RABGGTB: variants seen among roughly 807,000 people sequenced by gnomAD.
The protein encoded by RABGGTB is geranylgeranyl transferase type-2 subunit beta.
In RABGGTB, 20 loss-of-function variants were observed where a neutral mutation model predicts 44.5. That is an observed-to-expected ratio of 0.45 (90% CI 0.32 to 0.65). RABGGTB has a LOEUF of 0.65. Ranked by LOEUF, RABGGTB falls within the 30% of genes least tolerant of loss-of-function variation. RABGGTB has a pLI of 0.05. For synonymous variants in RABGGTB, 128 were observed against 136.7 expected (o/e 0.94, Z 0.44); for missense variants, 302 against 398.7 (o/e 0.76, Z 2.06).
chr1:75,790,600 G>C, intron 4 of RABGGTB: 2 of 592,056 alleles, frequency 3.4e-6, no homozygotes, highest in Non-Finnish European at 4.3e-6. Context: ...CTCTTTCTGG[G>C]CTTTCTTTAA....
chr1:75,787,228 G>A (rs752239710), intron 1 of RABGGTB: 19 of 635,222 alleles, frequency 3.0e-5, no homozygotes, highest in Admixed American at 4.4e-5. Flanking sequence ...TGTTGTTGTT[G>A]TTGTTGTTTT....
At chr1:75,786,211 A>G (rs1292903680), upstream of RABGGTB, 1 of 1,608,594 alleles carries the variant, frequency 6.2e-7, no homozygotes, top group African/African-American at 1.3e-5. Flanking sequence ...GCATCTGCGC[A>G]GGCGCCCGGC....
At chr1:75,792,486 G>A (rs1649669553) in intron 7 of RABGGTB, among the ~76,000 whole-genome samples, 180 bp downstream of exon 7, 2 of 152,130 alleles carry the variant, frequency 1.3e-5, no homozygotes, top group South Asian at 4.1e-4. Context: ...ACCCCCATGA[G>A]TTGAAATACT....
upstream of RABGGTB, chr1:75,786,253 T>A (rs760732932): frequency 3.1e-6 from 5 of 1,614,186 alleles, no homozygotes; most frequent in Non-Finnish European, 3.4e-6. Context: ...GACCCTGCTC[T>A]CTCCTTTCCC....
chr1:75,786,221 C>T (rs769075514), upstream of RABGGTB: 29 of 1,612,868 alleles, frequency 1.8e-5, no homozygotes, highest in Non-Finnish European at 2.4e-5. Context: ...AGGCGCCCGG[C>T]TCCTAAGTCT....
At chr1:75,793,965 A>G (rs1649709059) in intron 7 of RABGGTB, 119 bp from the exon 8 acceptor site, 5 of 1,066,464 alleles carry the variant, frequency 4.7e-6, no homozygotes, top group East Asian at 2.4e-5. Flanking sequence ...GTCCTTCCAC[A>G]TGGTTTGACA....
chr1:75,790,498 A>T lies in RABGGTB; in HGVS notation c.415+441A>T, dbSNP rs1475808576. On this transcript the variant is annotated intron_variant, in intron 4 of 8. Coordinates refer to ENST00000319942, the MANE Select transcript of RABGGTB (RefSeq NM_004582.4). ...CCAGCTGCTTCATGGGATGTGAAAAATCTACTTTTATAAAGTAGGGTAAGT... is the reference window on the plus strand; with the variant it reads ...CCAGCTGCTTCATGGGATGTGAAAATTCTACTTTTATAAAGTAGGGTAAGT... 4 of 1,018,414 alleles carry T rather than the reference A, an allele frequency of 3.9e-6. No homozygotes were observed. In the African/African-American group the frequency reaches 6.8e-5, roughly 17 times the overall value. 63.1% of individuals were successfully genotyped at this position (1,018,414 alleles called of 1,614,324 possible). A position where few individuals can be genotyped will look rare whatever the true frequency, so the allele number is the denominator to read the frequency against.
Position 75,792,276 on chromosome 1 carries a change from C to T in RABGGTB, c.675C>T (p.Pro225=), listed in dbSNP as rs1649664463. 6.2e-7 allele frequency: 1 copy of T among 1,614,006 alleles called. No homozygotes were observed. The highest frequency in any genetic ancestry group is 1.1e-5 in the South Asian group (1 of 91,074). ...GGTGGCTTTGTGAACGACAATTACC[C>T]TCAGGCGGGCTCAATGGAAGGCCGG... ...LGWWLCERQL[P]SGGLNGRPEK... The change falls in exon 7 of 9, where the codon CCC becomes CCT. Residue 225 remains proline, a synonymous_variant. Transcript: ENST00000319942.
Position 75,791,519 on chromosome 1 carries a change from A to G in RABGGTB, c.527A>G (p.Asn176Ser). The change falls in exon 6 of 9, where the codon AAC becomes AGC. Residue 176 changes from asparagine to serine, a missense_variant. Physicochemically the swap from Asn to Ser is conservative, Grantham distance 46 (BLOSUM62 1). Coordinates refer to ENST00000319942, the MANE Select transcript of RABGGTB (RefSeq NM_004582.4). Reference protein sequence around the residue: ...KAIEFVLSCMNFDGGFGCRPG... With the variant: ...KAIEFVLSCMSFDGGFGCRPG... ...ATCGAATTTGTTTTATCCTGTATGAACTTTGACGGTGGATTTGGTTGCAGA... is the reference window on the plus strand; with the variant it reads ...ATCGAATTTGTTTTATCCTGTATGAGCTTTGACGGTGGATTTGGTTGCAGA... 1.9e-6 allele frequency: 3 copies of G among 1,613,314 alleles called. No individual in the cohort carries two copies. Among genetic ancestry groups the G allele is most frequent in the Non-Finnish European group, 2.5e-6 (3 of 1,179,990 alleles).
At chr1:75,792,902 C>G (rs1474492117) in intron 7 of RABGGTB, among the ~76,000 whole-genome samples, 1 of 152,148 alleles carries the variant, frequency 6.6e-6, no homozygotes, top group Non-Finnish European at 1.5e-5. Flanking sequence ...CATCTTGATT[C>G]ACTGCAACCT....
At chr1:75,791,597 G>A (rs779860208) in intron 6 of RABGGTB, 26 bp downstream of exon 6, 2 of 1,553,614 alleles carry the variant, frequency 1.3e-6, no homozygotes, top group Admixed American at 1.9e-5. Flanking sequence ...AGATGAAAAT[G>A]TATTGTCATT....
upstream of RABGGTB, chr1:75,786,223 C>T (rs1013402462): frequency 6.2e-7 from 1 of 1,613,300 alleles, no homozygotes. Flanking sequence ...GCGCCCGGCT[C>T]CTAAGTCTAC....
chr1:75,790,306 G>A, intron 4 of RABGGTB: 1 of 1,231,702 alleles, frequency 8.1e-7, no homozygotes, highest in Non-Finnish European at 1.0e-6. Flanking sequence ...AATATTTGGT[G>A]GCTTTGTAAA....
At chr1:75,791,166 C>A in intron 4 of RABGGTB, 119 bp from the exon 5 acceptor site, 1 of 886,666 alleles carries the variant, frequency 1.1e-6, no homozygotes, top group East Asian at 2.4e-5. Flanking sequence ...TCCTGACTAC[C>A]CTAAAGTGAA....
chr1:75,791,775 C>G, intron 6 of RABGGTB: 2 of 525,786 alleles, frequency 3.8e-6, no homozygotes, highest in Non-Finnish European at 6.6e-6. Context: ...ATTCGTCTGA[C>G]CTAAGCAAAC....
At chr1:75,787,395 A>G in intron 1 of RABGGTB, 102 bp from the exon 2 acceptor site, 2 of 876,404 alleles carry the variant, frequency 2.3e-6, no homozygotes, top group East Asian at 5.1e-5. Context: ...CTATTACAAG[A>G]TGAAATCAAG....
At chr1:75,790,505 T>G in intron 4 of RABGGTB, 1 of 1,011,686 alleles carries the variant, frequency 9.9e-7, no homozygotes, top group Non-Finnish European at 1.2e-6. Context: ...AAAATCTACT[T>G]TTATAAAGTA....
At chr1:75,786,571 TC>T in intron 1 of RABGGTB, 10 of 412,260 alleles carry the variant, frequency 2.4e-5, no homozygotes, top group Non-Finnish European at 3.9e-5. Context: ...CTTTTTTTTT[TC>T]TTGGAGAGGG....
chr1:75,788,952 A>G, intron 2 of RABGGTB: 1 of 571,846 alleles, frequency 1.7e-6, no homozygotes, highest in Non-Finnish European at 3.1e-6. Context: ...TGCTTCTCAG[A>G]TAATTGTTTT....
Sources: allele counts gnomAD v4.1 joint callset (sites outside exome capture counted in the v4.1 genomes callset), GRCh38; gene constraint gnomAD v4.1.1; transcripts MANE v1.5; gene names NCBI Gene and HGNC (gene_info 2026-07-23, HGNC 2026-07-21).